PRKCH: variants seen among roughly 807,000 people sequenced by gnomAD.
PRKCH encodes protein kinase C eta.
PRKCH carries 28 observed loss-of-function variants against 82.5 expected under a neutral mutation model. That is an observed-to-expected ratio of 0.34 (90% confidence interval 0.25 to 0.47). The LOEUF is 0.47. Among genes scored for constraint, PRKCH ranks in the 20% least tolerant of loss-of-function variants. The pLI, the probability that PRKCH is intolerant of heterozygous loss-of-function variation, is 1.00. For synonymous variants in PRKCH, 322 were observed against 327.4 expected (o/e 0.98, Z 0.18); for missense variants, 705 against 881.8 (o/e 0.80, Z 2.54).
intron 1 of PRKCH, chr14:61,353,484 T>G (rs930074487): frequency 6.6e-6 from 1 of 152,218 alleles, no homozygotes. Flanking sequence ...TAAAATTTTT[T>G]GTAGGTGATA....
chr14:61,337,512 C>T (rs2045875356), intron 1 of PRKCH, among the ~76,000 whole-genome samples: 1 of 152,212 alleles, frequency 6.6e-6, no homozygotes. Context: ...CCTTGACCTC[C>T]TGGGCTCAAC....
chr14:61,365,688 A>G (rs1190290671), intron 1 of PRKCH, among the ~76,000 whole-genome samples: 1 of 152,056 alleles, frequency 6.6e-6, no homozygotes, highest in East Asian at 1.9e-4. Context: ...AAAACATATC[A>G]TGTATTTTCT....
At chr14:61,221,992 G>A (rs1003880733) in intron 1 of PRKCH, among the ~76,000 whole-genome samples, 1 of 152,062 alleles carries the variant, frequency 6.6e-6, no homozygotes, top group African/African-American at 2.4e-5. Context: ...GGGTTCTCTC[G>A]GGTCTGAGAT....
At chr14:61,233,382 C>T (rs1042983392) in intron 1 of PRKCH, among the ~76,000 whole-genome samples, 41 of 135,776 alleles carry the variant, frequency 3.0e-4, no homozygotes, top group African/African-American at 9.1e-4. Flanking sequence ...TAGAGAGAGA[C>T]CTTGTCTCAA....
intron 2 of PRKCH, among the ~76,000 whole-genome samples, chr14:61,405,698 TGTG>T (rs1881910370): frequency 6.6e-6 from 1 of 152,148 alleles, no homozygotes; most frequent in Non-Finnish European, 1.5e-5. Flanking sequence ...TTCTTGAACT[TGTG>T]GTGAACTATC....
intron 10 of PRKCH, among the ~76,000 whole-genome samples, chr14:61,509,279 A>G (rs1466304243): frequency 6.6e-6 from 1 of 152,140 alleles, no homozygotes; most frequent in Non-Finnish European, 1.5e-5. Flanking sequence ...GCATACCGCA[A>G]CACACTCATT....
chr14:61,451,381 A>C (rs1040503811), intron 6 of PRKCH, among the ~76,000 whole-genome samples: 4 of 152,228 alleles, frequency 2.6e-5, no homozygotes, highest in Non-Finnish European at 5.9e-5. Flanking sequence ...TGAGGAGGTG[A>C]GATGGCCAAA....
intron 1 of PRKCH, among the ~76,000 whole-genome samples, chr14:61,234,513 A>C (rs1346878107): frequency 1.3e-5 from 2 of 152,168 alleles, no homozygotes; most frequent in African/African-American, 4.8e-5. Flanking sequence ...GAGCATGAGC[A>C]CACACTCATG....
In PRKCH at chr14:61,453,364, GC is replaced by G. The variant is rs756406440; in HGVS notation, c.960+12del. The G allele has an allele frequency of 1.2e-6, 2 of 1,609,698 alleles. No individual in the cohort carries two copies. The highest frequency in any genetic ancestry group is 1.1e-5 in the South Asian group (1 of 90,688). ...ATTTCTCCAACCTCGGTGAGACTTT[GC>G]TTTTTTTCCATGTCTCGTAATTTAG... is the stretch of plus-strand genomic sequence containing the variant. On this transcript the variant is annotated intron_variant, in intron 7 of 13. Coordinates refer to ENST00000332981, the MANE Select transcript of PRKCH (RefSeq NM_006255.5).
At chr14:61,306,680 T>C (rs2045487768) in intron 1 of PRKCH, 1 of 152,236 alleles carries the variant, frequency 6.6e-6, no homozygotes, top group Admixed American at 6.5e-5. Flanking sequence ...CTCTGATGTA[T>C]GTTTTGGTAT....
At chr14:61,216,072 TGCA>T (rs1352274191) in intron 1 of PRKCH, among the ~76,000 whole-genome samples, 2 of 152,214 alleles carry the variant, frequency 1.3e-5, no homozygotes, top group Non-Finnish European at 2.9e-5. Flanking sequence ...GCTTGGGGTT[TGCA>T]GCATTTCTGG....
At chr14:61,455,205 A>ATTTTT (rs10689613) in intron 7 of PRKCH, among the ~76,000 whole-genome samples, 1 of 143,910 alleles carries the variant, frequency 6.9e-6, no homozygotes, top group Non-Finnish European at 1.5e-5. Flanking sequence ...AATTTTTTGT[A>ATTTTT]TTTTTTTTTT....
chr14:61,190,609 G>T (rs759805613), intron 1 of PRKCH, among the ~76,000 whole-genome samples: 4 of 152,120 alleles, frequency 2.6e-5, no homozygotes, highest in Admixed American at 1.3e-4. Flanking sequence ...TCTCCAAGAC[G>T]AAGGCTTGCC....
chr14:61,455,069 G>A (rs1156869318), intron 7 of PRKCH, among the ~76,000 whole-genome samples: 3 of 149,824 alleles, frequency 2.0e-5, no homozygotes, highest in Non-Finnish European at 4.4e-5. Flanking sequence ...TGGCTCTGTC[G>A]CCCAGGCTGG....
At chr14:61,431,910 C>T (rs1189467178) in intron 2 of PRKCH, among the ~76,000 whole-genome samples, 1 of 152,078 alleles carries the variant, frequency 6.6e-6, no homozygotes, top group Non-Finnish European at 1.5e-5. Context: ...CATTTACTTT[C>T]TACTTTTTCT....
chr14:61,376,364 C>A lies in PRKCH; in HGVS notation c.364-14861C>A, dbSNP rs191783445. Among the ~76,000 whole-genome samples the A allele has an allele frequency of 1.4e-3, 209 of 152,244 alleles. 4 individuals carry two copies. The highest frequency in any genetic ancestry group is 1.7e-3 in the East Asian group (9 of 5,178). ...TCAGCTGTCTTGTGGTTCAGTTATT[C>A]CTGTGTGGATGACTCTACCTGCAGC... On this transcript the variant is annotated intron_variant, in intron 1 of 13. Coordinates refer to ENST00000332981, the MANE Select transcript of PRKCH (RefSeq NM_006255.5).
At chr14:61,497,134 G>GA (rs1339912665) in intron 10 of PRKCH, among the ~76,000 whole-genome samples, 7 of 152,132 alleles carry the variant, frequency 4.6e-5, no homozygotes, top group Admixed American at 3.3e-4. Flanking sequence ...CAGATTCCTG[G>GA]AAAGGCACAC....
chr14:61,203,730 C>A (rs1411385664), intron 1 of PRKCH, among the ~76,000 whole-genome samples: 1 of 152,044 alleles, frequency 6.6e-6, no homozygotes, highest in Non-Finnish European at 1.5e-5. Flanking sequence ...AATCCCAGCA[C>A]TTTGGAAGGC....
At chr14:61,536,414 G>A (rs1400628317) in intron 12 of PRKCH, among the ~76,000 whole-genome samples, 2 of 152,076 alleles carry the variant, frequency 1.3e-5, no homozygotes, top group Non-Finnish European at 2.9e-5. Flanking sequence ...TCCTTTCCCG[G>A]CCTGCTGGAT....
Sources: gnomAD v4.1 joint callset for allele counts (sites outside exome capture counted in the v4.1 genomes callset) on GRCh38, gnomAD v4.1.1 for gene constraint, MANE v1.5 for transcripts, NCBI Gene and HGNC (gene_info 2026-07-23, HGNC 2026-07-21) for gene names.